ANO10: variants seen among roughly 807,000 people sequenced by gnomAD.
ANO10 encodes the protein anoctamin-10.
Under a neutral mutation model 74.7 loss-of-function variants are expected in ANO10, and 77 were observed. The ratio of observed to expected loss-of-function variants is 1.03; its 90% CI spans 0.86 to 1.25. The LOEUF is 1.25. Among genes scored for constraint, ANO10 ranks in the 50% most tolerant of loss-of-function variants. ANO10 has a pLI of 0.00. For synonymous variants in ANO10, 279 were observed against 284.9 expected (o/e 0.98, Z 0.21); for missense variants, 721 against 778.1 (o/e 0.93, Z 0.87).
At chr3:43,392,241 G>GA (rs1269427904) in intron 12 of ANO10, among the ~76,000 whole-genome samples, 1 of 141,738 alleles carries the variant, frequency 7.1e-6, no homozygotes, top group Admixed American at 7.1e-5. Context: ...AAAATACTGT[G>GA]AAAAAAACAT....
chr3:43,622,234 G>A (rs2083434805), upstream of ANO10, among the ~76,000 whole-genome samples: 1 of 152,230 alleles, frequency 6.6e-6, no homozygotes, highest in African/African-American at 2.4e-5. Context: ...CCCTCATTGG[G>A]CTGTCGCCTG....
At chr3:43,540,898 A>C (rs1415841376) in intron 11 of ANO10, among the ~76,000 whole-genome samples, 1 of 152,230 alleles carries the variant, frequency 6.6e-6, no homozygotes, top group Non-Finnish European at 1.5e-5. Flanking sequence ...GCACATAATA[A>C]ATATGTATTC....
chr3:43,587,790 T>G (rs1271965813), intron 4 of ANO10, among the ~76,000 whole-genome samples: 5 of 152,012 alleles, frequency 3.3e-5, no homozygotes. Context: ...TGAGAAAAAT[T>G]TTTTTAATCA....
intron 1 of ANO10, among the ~76,000 whole-genome samples, chr3:43,638,131 C>T (rs1398425807): frequency 1.3e-5 from 2 of 152,170 alleles, no homozygotes; most frequent in African/African-American, 4.8e-5. Flanking sequence ...TGAAAATCTG[C>T]CTTCTCCAGA....
intron 11 of ANO10, among the ~76,000 whole-genome samples, chr3:43,466,285 C>T (rs923322659): frequency 1.3e-5 from 2 of 148,348 alleles, no homozygotes; most frequent in East Asian, 2.0e-4. Flanking sequence ...GCAGGGGAAT[C>T]GCTTGAACCC....
At chr3:43,531,901 A>C (rs1401405981) in intron 11 of ANO10, among the ~76,000 whole-genome samples, 8 of 132,738 alleles carry the variant, frequency 6.0e-5, no homozygotes, top group Non-Finnish European at 1.3e-4. Flanking sequence ...ACCCTGTCTC[A>C]AAAAAAAAAA....
chr3:43,581,691 C>T (rs1043887730), intron 4 of ANO10, among the ~76,000 whole-genome samples: 7 of 151,986 alleles, frequency 4.6e-5, no homozygotes, highest in African/African-American at 1.7e-4. Flanking sequence ...GAGGCTGAGG[C>T]GGAGTATTGC....
chr3:43,443,679 C>CCTT (rs373424427), intron 11 of ANO10, among the ~76,000 whole-genome samples: 23,676 of 121,812 alleles, frequency 0.19, 2,672 homozygotes, highest in Middle Eastern at 0.36. Context: ...TTCCTTCCTT[C>CCTT]TTTTTTTTTT....
At chr3:43,630,346 C>A (rs1328907527) in intron 1 of ANO10, among the ~76,000 whole-genome samples, 2 of 152,112 alleles carry the variant, frequency 1.3e-5, no homozygotes, top group African/African-American at 4.8e-5. Flanking sequence ...CTGTACTCTA[C>A]ATGAGAGACA....
chr3:43,587,529 T>C (rs1212239032), intron 4 of ANO10, among the ~76,000 whole-genome samples: 1 of 152,140 alleles, frequency 6.6e-6, no homozygotes, highest in Non-Finnish European at 1.5e-5. Flanking sequence ...ATCATAGCTC[T>C]GACAGCAGCA....
chr3:43,653,059 A>G (rs1422190475), intron 1 of ANO10: 1 of 151,942 alleles, frequency 6.6e-6, no homozygotes, highest in Non-Finnish European at 1.5e-5. Context: ...ACAAAAAAAA[A>G]AATTAGCTGA....
chr3:43,397,211 G>A (rs1363113652), intron 12 of ANO10, among the ~76,000 whole-genome samples: 2 of 152,158 alleles, frequency 1.3e-5, no homozygotes, highest in Non-Finnish European at 2.9e-5. Context: ...TTACAGGTGT[G>A]AGCCACCCTG....
intron 12 of ANO10, among the ~76,000 whole-genome samples, chr3:43,370,090 A>C (rs2091553750): frequency 1.3e-5 from 2 of 152,178 alleles, no homozygotes; most frequent in East Asian, 3.9e-4. Flanking sequence ...GTTTTCCAGG[A>C]GGGCTGTCCT....
At chr3:43,652,265 T>C (rs570910001) in intron 1 of ANO10, among the ~76,000 whole-genome samples, 105 of 152,214 alleles carry the variant, frequency 6.9e-4, no homozygotes, top group Admixed American at 5.2e-4. Context: ...CATATAGTAA[T>C]CAAAACAGTG....
chr3:43,524,224 G>A (rs76571921), intron 11 of ANO10, among the ~76,000 whole-genome samples: 124 of 6,068 alleles, frequency 0.02, no homozygotes, highest in African/African-American at 0.029. Context: ...ACCAGGAAAC[G>A]AATCCCTCAT....
intron 12 of ANO10, among the ~76,000 whole-genome samples, chr3:43,396,969 G>A (rs2092394551): frequency 1.4e-5 from 2 of 145,886 alleles, no homozygotes; most frequent in Non-Finnish European, 3.0e-5. Context: ...CGCTCTTGTT[G>A]CCCATGCTGG....
intron 12 of ANO10, among the ~76,000 whole-genome samples, chr3:43,389,370 C>T (rs569038176): frequency 3.4e-4 from 52 of 152,318 alleles, no homozygotes; most frequent in African/African-American, 1.2e-3. Context: ...CCCTGAAAGA[C>T]CTCCAAGTCA....
chr3:43,540,799 T>C (rs2078921393), intron 11 of ANO10, among the ~76,000 whole-genome samples: 2 of 152,228 alleles, frequency 1.3e-5, no homozygotes, highest in African/African-American at 4.8e-5. Flanking sequence ...AGAGGCCTCC[T>C]ATTGCACTGA....
At chr3:43,610,845 T>C (rs935928146) in intron 1 of ANO10, among the ~76,000 whole-genome samples, 3 of 152,204 alleles carry the variant, frequency 2.0e-5, no homozygotes, top group African/African-American at 7.2e-5. Context: ...AATTAATAAG[T>C]AGTCCTTTCC....
Sources: allele counts gnomAD v4.1 joint callset (sites outside exome capture counted in the v4.1 genomes callset), GRCh38; gene constraint gnomAD v4.1.1; transcripts MANE v1.5; gene names NCBI Gene and HGNC (gene_info 2026-07-23, HGNC 2026-07-21).